The following ARHGAP26 variants were observed in gnomAD, a reference collection of about 807,000 sequenced individuals.
ARHGAP26 encodes Rho GTPase activating protein 26.
A neutral mutation model predicts 104.8 loss-of-function variants in ARHGAP26; 38 were observed. That is an observed-to-expected ratio of 0.36 (90% CI 0.28 to 0.48). The LOEUF is 0.48. Ranked by LOEUF, ARHGAP26 falls within the 20% of genes least tolerant of loss-of-function variation. ARHGAP26 has a pLI of 0.99. For synonymous variants in ARHGAP26, 341 were observed against 340.0 expected (o/e 1.00, Z -0.03); for missense variants, 704 against 947.9 (o/e 0.74, Z 3.38).
intron 11 of ARHGAP26, among the ~76,000 whole-genome samples, chr5:142,964,380 T>C (rs2152678749): frequency 6.6e-6 from 1 of 152,318 alleles, no homozygotes; most frequent in East Asian, 1.9e-4. Flanking sequence ...AAATTTCCTT[T>C]TAAAAAAATA....
In ARHGAP26 at chr5:143,012,556, T is replaced by TATATATATATATATAC. The variant is rs1554195661; in HGVS notation, c.1108-1509_1108-1508insCATATATATATATATA. On this transcript the variant is annotated intron_variant, in intron 11 of 22. Transcript: ENST00000645722. The stretch of plus-strand genomic sequence containing the variant: ...ATATATTTATATACATACATACATA[T>TATATATATATATATAC]ATATATATATATATATATATTATGA... Among the ~76,000 whole-genome samples, 24 of 59,090 alleles carry TATATATATATATATAC rather than the reference T, an allele frequency of 4.1e-4. 1 individual carries two copies. Among genetic ancestry groups the TATATATATATATATAC allele is most frequent in the African/African-American group, 1.2e-3 (23 of 18,586 alleles). The allele number at this position is 59,090 out of a possible 152,430, so 38.8% of individuals were successfully genotyped here.
chr5:143,089,845 G>A (rs1791140598), intron 17 of ARHGAP26, among the ~76,000 whole-genome samples: 1 of 152,172 alleles, frequency 6.6e-6, no homozygotes, highest in Admixed American at 6.5e-5. Context: ...AGACCCATAA[G>A]GGCCTTCTCT....
intron 21 of ARHGAP26, among the ~76,000 whole-genome samples, chr5:143,211,904 C>A (rs1809526695): frequency 6.6e-6 from 1 of 152,176 alleles, no homozygotes; most frequent in African/African-American, 2.4e-5. Context: ...TTCAATTTCA[C>A]AAACCTAATA....
intron 20 of ARHGAP26, among the ~76,000 whole-genome samples, chr5:143,167,475 T>C (rs1802142563): frequency 1.2e-5 from 1 of 85,254 alleles, no homozygotes; most frequent in Non-Finnish European, 2.0e-5. Flanking sequence ...AGAGCAAGAC[T>C]CCATCTCAAA....
intron 20 of ARHGAP26, among the ~76,000 whole-genome samples, chr5:143,159,171 T>C (rs963565534): frequency 3.9e-5 from 6 of 152,302 alleles, no homozygotes; most frequent in African/African-American, 1.4e-4. Flanking sequence ...CAGCCAGACC[T>C]TTCAGAAATG....
chr5:143,098,305 A>G (rs1486197071), intron 17 of ARHGAP26, among the ~76,000 whole-genome samples: 4 of 152,222 alleles, frequency 2.6e-5, no homozygotes, highest in Non-Finnish European at 5.9e-5. Context: ...TTCTAAGCAT[A>G]CAATTCCGCA....
intron 1 of ARHGAP26, among the ~76,000 whole-genome samples, chr5:142,869,184 C>A (rs1211909873): frequency 7.8e-6 from 1 of 128,626 alleles, no homozygotes; most frequent in Non-Finnish European, 1.6e-5. Flanking sequence ...ACTTTCTTTT[C>A]TTTTCTTTTT....
At chr5:142,877,489 G>A (rs940840544) in intron 3 of ARHGAP26, among the ~76,000 whole-genome samples, 3 of 152,104 alleles carry the variant, frequency 2.0e-5, no homozygotes, top group African/African-American at 7.2e-5. Context: ...GGAACCAAGT[G>A]GATGTTACAC....
chr5:142,916,191 T>C (rs1762465107), intron 10 of ARHGAP26, among the ~76,000 whole-genome samples: 1 of 152,264 alleles, frequency 6.6e-6, no homozygotes, highest in Non-Finnish European at 1.5e-5. Flanking sequence ...TCTATCAAGA[T>C]ACAAATACAT....
chr5:142,964,612 G>T (rs1255221387), intron 11 of ARHGAP26, among the ~76,000 whole-genome samples: 1 of 151,842 alleles, frequency 6.6e-6, no homozygotes, highest in African/African-American at 2.4e-5. Context: ...GTTAAGAACT[G>T]TCAAGTCTTG....
At chr5:143,139,719 G>A (rs1266612275) in intron 19 of ARHGAP26, among the ~76,000 whole-genome samples, 2 of 152,306 alleles carry the variant, frequency 1.3e-5, no homozygotes, top group Non-Finnish European at 2.9e-5. Flanking sequence ...CGAACAGATG[G>A]AACGAGGTTT....
intron 11 of ARHGAP26, among the ~76,000 whole-genome samples, chr5:142,947,831 T>C (rs990313620): frequency 4.6e-5 from 7 of 152,106 alleles, no homozygotes; most frequent in African/African-American, 1.7e-4. Flanking sequence ...GATCGTTGAG[T>C]ATACTGATTG....
intron 11 of ARHGAP26, among the ~76,000 whole-genome samples, chr5:143,003,718 C>T (rs926262525): frequency 2.0e-5 from 3 of 152,146 alleles, no homozygotes; most frequent in East Asian, 1.9e-4. Context: ...AGGGAAATAA[C>T]GTTTTTGAGC....
At chr5:143,135,469 A>G (rs139544039) in intron 19 of ARHGAP26, among the ~76,000 whole-genome samples, 1 of 152,106 alleles carries the variant, frequency 6.6e-6, no homozygotes, top group Non-Finnish European at 1.5e-5. Context: ...TGAAGAGGAG[A>G]GGCTTCATAT....
intron 20 of ARHGAP26, among the ~76,000 whole-genome samples, chr5:143,167,278 C>G (rs1802094554): frequency 6.9e-6 from 1 of 144,210 alleles, no homozygotes; most frequent in Admixed American, 7.1e-5. Flanking sequence ...ACCAGCCTGG[C>G]CAGCATTGTT....
At chr5:142,842,571 G>A (rs1247600885) in intron 1 of ARHGAP26, among the ~76,000 whole-genome samples, 1 of 152,172 alleles carries the variant, frequency 6.6e-6, no homozygotes, top group Non-Finnish European at 1.5e-5. Context: ...GGAAGGACTA[G>A]GAGAAAAACA....
intron 17 of ARHGAP26, among the ~76,000 whole-genome samples, chr5:143,068,174 A>G (rs1376415421): frequency 2.6e-5 from 4 of 152,158 alleles, no homozygotes; most frequent in Non-Finnish European, 4.4e-5. Flanking sequence ...CAAGAAATAA[A>G]ATAAAAAATA....
chr5:142,949,333 C>G (rs545872917), intron 11 of ARHGAP26, among the ~76,000 whole-genome samples: 1 of 151,604 alleles, frequency 6.6e-6, no homozygotes, highest in South Asian at 2.1e-4. Flanking sequence ...ATATGTTCCT[C>G]TCTATGAACA....
At chr5:142,912,656 C>G (rs1761981162) in intron 9 of ARHGAP26, among the ~76,000 whole-genome samples, 2 of 152,130 alleles carry the variant, frequency 1.3e-5, no homozygotes, top group African/African-American at 2.4e-5. Context: ...CAAAATTTGA[C>G]CCAGTCTCTG....
Sources: allele counts gnomAD v4.1 joint callset (sites outside exome capture counted in the v4.1 genomes callset), GRCh38; gene constraint gnomAD v4.1.1; transcripts MANE v1.5; gene names NCBI Gene and HGNC (gene_info 2026-07-23, HGNC 2026-07-21).